Variants in AIM2 observed in about 807,000 individuals in gnomAD.
AIM2 encodes the protein interferon-inducible protein AIM2.
In AIM2, 30 loss-of-function variants were observed where a neutral mutation model predicts 27.7. That is an observed-to-expected ratio of 1.08 (90% CI 0.81 to 1.47). AIM2 has a LOEUF of 1.47. Among genes scored for constraint, AIM2 ranks in the 40% most tolerant of loss-of-function variants. The pLI, the probability that AIM2 is intolerant of heterozygous loss-of-function variation, is 0.00. For synonymous variants in AIM2, 141 were observed against 145.3 expected, an observed-to-expected ratio of 0.97 and a Z score of 0.21; for missense variants, 358 against 411.3, an observed-to-expected ratio of 0.87 and a Z score of 1.12.
intron 4 of AIM2, 148 bp from the exon 5 acceptor site, chr1:159,063,822 A>G (rs1468676339): frequency 2.4e-6 from 2 of 838,218 alleles, no homozygotes; most frequent in South Asian, 1.9e-5. Flanking sequence ...GTCCATTTAT[A>G]TGGGAATTTT....
At chr1:159,144,062 A>G (rs1219592441), upstream of AIM2, among the ~76,000 whole-genome samples, 1 of 152,188 alleles carries the variant, frequency 6.6e-6, no homozygotes, top group Non-Finnish European at 1.5e-5. Flanking sequence ...CTTAACTCTG[A>G]TCTTCCATTT....
At chr1:159,071,255 G>A (rs893071670) in intron 2 of AIM2, among the ~76,000 whole-genome samples, 18 of 152,302 alleles carry the variant, frequency 1.2e-4, no homozygotes, top group African/African-American at 3.6e-4. Flanking sequence ...GTGAGGTCAT[G>A]AGTAGAATAG....
intron 1 of AIM2, among the ~76,000 whole-genome samples, chr1:159,118,020 A>G (rs1647427280): frequency 6.6e-6 from 1 of 152,138 alleles, no homozygotes. Flanking sequence ...ACATCAGCAT[A>G]CATCTCCTAA....
Position 159,065,922 on chromosome 1 carries a change from A to G in AIM2, c.804T>C (p.Phe268=). The G allele has an allele frequency of 6.2e-7, 1 of 1,607,480 alleles. No homozygotes were observed. ...TATGAAAACTTACCTTCTGGACTAC[A>G]AACAAACCATTCACAATTGTTCCAA... The part of the protein sequence containing the change: ...QPLGTIVNGL[F]VVQKVTEKKK... Residue 268 remains phenylalanine, a synonymous_variant, in exon 4 of 6, where the codon TTT becomes TTC. Coordinates refer to ENST00000368130, the MANE Select transcript of AIM2 (RefSeq NM_004833.3).
At chr1:159,136,609 C>T (rs1042236795) in intron 1 of AIM2, among the ~76,000 whole-genome samples, 1 of 152,146 alleles carries the variant, frequency 6.6e-6, no homozygotes, top group African/African-American at 2.4e-5. Flanking sequence ...ACAATATTAC[C>T]ACCATGGAAG....
chr1:159,106,675 T>A (rs535901402), intron 1 of AIM2, among the ~76,000 whole-genome samples: 4 of 152,186 alleles, frequency 2.6e-5, no homozygotes, highest in Non-Finnish European at 5.9e-5. Flanking sequence ...CCTGAATACT[T>A]TCCTACAAAA....
At chr1:159,143,281 G>C (rs112138313), upstream of AIM2, among the ~76,000 whole-genome samples, 2 of 152,094 alleles carry the variant, frequency 1.3e-5, no homozygotes, top group African/African-American at 4.8e-5. Context: ...TAACACAAGG[G>C]GGAAAGCAGC....
chr1:159,064,953 A>C (rs1382129797), intron 4 of AIM2, among the ~76,000 whole-genome samples: 2 of 152,266 alleles, frequency 1.3e-5, no homozygotes, highest in Non-Finnish European at 2.9e-5. Context: ...GGACTAAATC[A>C]GTATATATGA....
At chr1:159,127,530 A>G (rs577604878) in intron 1 of AIM2, among the ~76,000 whole-genome samples, 2 of 152,342 alleles carry the variant, frequency 1.3e-5, no homozygotes, top group South Asian at 4.1e-4. Flanking sequence ...TCTAAAATGG[A>G]TAGTATCACT....
intron 1 of AIM2, among the ~76,000 whole-genome samples, chr1:159,115,172 C>G (rs1165250826): frequency 7.5e-5 from 11 of 145,986 alleles, no homozygotes; most frequent in East Asian, 6.0e-4. Context: ...CACTGCTCAA[C>G]GAAATAAAAG....
intron 2 of AIM2, among the ~76,000 whole-genome samples, chr1:159,070,732 G>A (rs928860073): frequency 6.6e-6 from 1 of 152,220 alleles, no homozygotes; most frequent in Non-Finnish European, 1.5e-5. Flanking sequence ...GTGGTTGACT[G>A]TCTGACAGGG....
intron 1 of AIM2, among the ~76,000 whole-genome samples, chr1:159,110,912 G>A (rs1450656903): frequency 6.6e-6 from 1 of 152,204 alleles, no homozygotes; most frequent in African/African-American, 2.4e-5. Flanking sequence ...GGTAGGGTGA[G>A]AGTGTGGGAC....
intron 1 of AIM2, among the ~76,000 whole-genome samples, chr1:159,093,537 AC>A (rs1214113337): frequency 6.6e-6 from 1 of 152,108 alleles, no homozygotes; most frequent in Admixed American, 6.6e-5. Flanking sequence ...AAGCCAAAAA[AC>A]GGGGAAACCT....
At chr1:159,112,882 G>C (rs570276069) in intron 1 of AIM2, among the ~76,000 whole-genome samples, 17 of 150,832 alleles carry the variant, frequency 1.1e-4, no homozygotes, top group South Asian at 2.1e-4. Context: ...CAAGAATACT[G>C]TTTTCAGAAT....
chr1:159,092,210 G>A (rs1225306215), intron 1 of AIM2, among the ~76,000 whole-genome samples: 3 of 152,124 alleles, frequency 2.0e-5, no homozygotes, highest in African/African-American at 7.2e-5. Context: ...ATCTGAACAT[G>A]CAAAACTAAG....
the AIM2 span, among the ~76,000 whole-genome samples, chr1:159,056,910 TGA>T: frequency 4.0e-5 from 6 of 151,586 alleles, no homozygotes; most frequent in Admixed American, 6.6e-5. Context: ...AAGAGAGAAC[TGA>T]GGGGGGAGAA....
At chr1:159,105,610 G>A (rs529761429) in intron 1 of AIM2, among the ~76,000 whole-genome samples, 14 of 152,242 alleles carry the variant, frequency 9.2e-5, no homozygotes, top group East Asian at 5.8e-4. Context: ...CAGGCAGGTC[G>A]TCCCGATGAG....
chr1:159,116,225 A>G (rs1647347248), intron 1 of AIM2, among the ~76,000 whole-genome samples: 1 of 152,092 alleles, frequency 6.6e-6, no homozygotes. Flanking sequence ...ACACTTTTAC[A>G]CTGTTGGTGG....
chr1:159,081,145 T>A, upstream of AIM2: 1 of 232,682 alleles, frequency 4.3e-6, no homozygotes, highest in Non-Finnish European at 9.7e-6. Context: ...AGACTCAGAT[T>A]CAGGAACTTC....
Sources: allele counts gnomAD v4.1 joint callset (sites outside exome capture counted in the v4.1 genomes callset), GRCh38; gene constraint gnomAD v4.1.1; transcripts MANE v1.5; gene names NCBI Gene and HGNC (gene_info 2026-07-23, HGNC 2026-07-21).